Variants in ERC1 observed in about 807,000 individuals in gnomAD.
The protein encoded by ERC1 is ELKS/RAB6-interacting/CAST family member 1.
A neutral mutation model predicts 132.0 loss-of-function variants in ERC1; 56 were observed. The ratio of observed to expected loss-of-function variants is 0.42; its 90% confidence interval spans 0.34 to 0.53. ERC1 has a LOEUF of 0.53. Among genes scored for constraint, ERC1 ranks in the 20% least tolerant of loss-of-function variants. ERC1 has a pLI of 0.03. For synonymous variants in ERC1, 478 were observed against 476.1 expected, an observed-to-expected ratio of 1.00 and a Z score of -0.05; for missense variants, 1,202 against 1,349.9, an observed-to-expected ratio of 0.89 and a Z score of 1.72.
At chr12:1,441,932 G>A (rs2093166407) in intron 17 of ERC1, among the ~76,000 whole-genome samples, 1 of 152,138 alleles carries the variant, frequency 6.6e-6, no homozygotes, top group Non-Finnish European at 1.5e-5. Context: ...ACTTTTTGTT[G>A]TTGTTGTTGT....
At chr12:1,112,326 T>C (rs778010481) in intron 6 of ERC1, 28 bp downstream of exon 6, 7 of 1,536,142 alleles carry the variant, frequency 4.6e-6, no homozygotes, top group African/African-American at 4.1e-5. Flanking sequence ...TACCTCTTTG[T>C]GTGCAGTGGT....
intron 15 of ERC1, among the ~76,000 whole-genome samples, chr12:1,325,870 A>C (rs779518556): frequency 3.9e-5 from 6 of 152,048 alleles, no homozygotes; most frequent in Non-Finnish European, 7.4e-5. Context: ...ACCTGTTTGC[A>C]TCTTTGGTTG....
intron 12 of ERC1, among the ~76,000 whole-genome samples, chr12:1,227,852 AT>A (rs2074713656): frequency 6.6e-6 from 1 of 152,172 alleles, no homozygotes; most frequent in Non-Finnish European, 1.5e-5. Flanking sequence ...TAAGGGTCCA[AT>A]TTCATTCTCC....
At chr12:1,445,730 A>G (rs542299594) in intron 18 of ERC1, among the ~76,000 whole-genome samples, 20 of 152,344 alleles carry the variant, frequency 1.3e-4, no homozygotes, top group Non-Finnish European at 2.1e-4. Flanking sequence ...TTACTCAAGT[A>G]TCCGAAAGGG....
chr12:1,099,485 CTT>C (rs1944414171), intron 3 of ERC1, among the ~76,000 whole-genome samples: 1 of 152,178 alleles, frequency 6.6e-6, no homozygotes, highest in African/African-American at 2.4e-5. Context: ...CCTTAGGAAA[CTT>C]TACAAGATCC....
At chr12:1,057,585 G>T (rs930073237) in intron 2 of ERC1, among the ~76,000 whole-genome samples, 2 of 47,700 alleles carry the variant, frequency 4.2e-5, no homozygotes, top group African/African-American at 1.5e-4. Context: ...GATGCGCATG[G>T]TTTTTTTTTT....
At chr12:1,180,381 G>A (rs1387423139) in intron 8 of ERC1, among the ~76,000 whole-genome samples, 159 bp from the exon 9 acceptor site, 1 of 151,968 alleles carries the variant, frequency 6.6e-6, no homozygotes, top group Non-Finnish European at 1.5e-5. Flanking sequence ...TTAAGGTTTT[G>A]CATGTAATTC....
chr12:1,219,635 C>CTTTTTTTTTTTT (rs775838825), intron 12 of ERC1, among the ~76,000 whole-genome samples: 3 of 140,744 alleles, frequency 2.1e-5, no homozygotes, highest in Non-Finnish European at 3.1e-5. Context: ...ACTGAACTCT[C>CTTTTTTTTTTTT]TTTTTTTTTT....
At chr12:1,068,786 C>T (rs1270563717) in intron 2 of ERC1, among the ~76,000 whole-genome samples, 1 of 151,954 alleles carries the variant, frequency 6.6e-6, no homozygotes, top group Admixed American at 6.6e-5. Context: ...TTTTTTTCAA[C>T]AGGGAACTTT....
intron 8 of ERC1, among the ~76,000 whole-genome samples, chr12:1,176,258 T>C (rs770659556): frequency 5.3e-5 from 8 of 152,230 alleles, no homozygotes; most frequent in Admixed American, 6.5e-5. Flanking sequence ...TGTACCTCTC[T>C]ATCAGAGCTC....
chr12:1,070,938 A>G (rs572499165), intron 2 of ERC1, among the ~76,000 whole-genome samples: 1 of 152,188 alleles, frequency 6.6e-6, no homozygotes, highest in African/African-American at 2.4e-5. Context: ...CTTCATTTAA[A>G]TGGAATCATA....
At chr12:1,029,637 A>C (rs565574383) in intron 2 of ERC1, among the ~76,000 whole-genome samples, 5 of 152,086 alleles carry the variant, frequency 3.3e-5, no homozygotes, top group African/African-American at 1.2e-4. Context: ...CCTCCAGGTT[A>C]TAGTTGATGT....
chr12:994,291 T>C (rs1271113341), intron 1 of ERC1, among the ~76,000 whole-genome samples: 1 of 152,182 alleles, frequency 6.6e-6, no homozygotes, highest in Non-Finnish European at 1.5e-5. Flanking sequence ...TAAAATAAAC[T>C]TAGCATACAG....
chr12:1,060,303 T>C (rs1973762291), intron 2 of ERC1, among the ~76,000 whole-genome samples: 1 of 151,818 alleles, frequency 6.6e-6, no homozygotes, highest in Non-Finnish European at 1.5e-5. Flanking sequence ...ATTAGGTATA[T>C]CTCCTAATGC....
chr12:1,316,610 T>C (rs896980778), intron 15 of ERC1, among the ~76,000 whole-genome samples: 10 of 152,114 alleles, frequency 6.6e-5, no homozygotes, highest in African/African-American at 2.2e-4. Flanking sequence ...TTTGGAAAAA[T>C]AGGAACGCTT....
At chr12:1,351,994 G>A (rs2085044661) in intron 15 of ERC1, among the ~76,000 whole-genome samples, 2 of 152,092 alleles carry the variant, frequency 1.3e-5, no homozygotes, top group South Asian at 4.1e-4. Context: ...TCACTGCTGA[G>A]TATATACTGC....
chr12:1,327,950 C>G (rs569737990), intron 15 of ERC1, among the ~76,000 whole-genome samples: 1 of 151,890 alleles, frequency 6.6e-6, no homozygotes, highest in African/African-American at 2.4e-5. Flanking sequence ...AACTTTTTTT[C>G]CCTTGCCTCT....
chr12:1,404,851 G>T (rs927765092), intron 16 of ERC1, among the ~76,000 whole-genome samples: 8 of 152,056 alleles, frequency 5.3e-5, no homozygotes, highest in South Asian at 2.1e-4. Flanking sequence ...ATCTAAATGT[G>T]GGGAGAGCCG....
At chr12:1,356,267 T>TGA (rs56902990) in intron 15 of ERC1, among the ~76,000 whole-genome samples, 9,883 of 150,280 alleles carry the variant, frequency 0.066, 608 homozygotes, top group African/African-American at 0.15. Flanking sequence ...TATATTCCGT[T>TGA]GAGGAAGAAG....
Sources: allele counts gnomAD v4.1 joint callset (sites outside exome capture counted in the v4.1 genomes callset), GRCh38; gene constraint gnomAD v4.1.1; transcripts MANE v1.5; gene names NCBI Gene and HGNC (gene_info 2026-07-23, HGNC 2026-07-21).